The following GTF2A2 variants were observed in gnomAD, a reference collection of about 807,000 sequenced individuals.
GTF2A2 encodes the protein transcription initiation factor IIA subunit 2.
A neutral mutation model predicts 14.3 loss-of-function variants in GTF2A2; 9 were observed. The ratio of observed to expected loss-of-function variants is 0.63; its 90% CI spans 0.38 to 1.10. The LOEUF is 1.10. GTF2A2 is among the 50% of genes least tolerant of loss of function. The pLI, the probability that GTF2A2 is intolerant of heterozygous loss-of-function variation, is 0.01. For synonymous variants in GTF2A2, 56 were observed against 46.0 expected, an observed-to-expected ratio of 1.22 and a Z score of -0.88; for missense variants, 90 against 124.6, an observed-to-expected ratio of 0.72 and a Z score of 1.32.
intron 3 of GTF2A2, among the ~76,000 whole-genome samples, chr15:59,645,630 G>C (rs1382149200): frequency 6.6e-6 from 1 of 152,164 alleles, no homozygotes; most frequent in African/African-American, 2.4e-5. Context: ...TTAAAAATTA[G>C]ATCTCCTCGT....
At chr15:59,641,181 C>CTTTTTTTTTTTTTT (rs374075324) in intron 4 of GTF2A2, among the ~76,000 whole-genome samples, 1 of 141,374 alleles carries the variant, frequency 7.1e-6, no homozygotes, top group African/African-American at 2.7e-5. Flanking sequence ...CAGCAAGACT[C>CTTTTTTTTTTTTTT]TTTTTTTTTT....
chr15:59,656,349 C>T (rs1206934170), intron 1 of GTF2A2, among the ~76,000 whole-genome samples: 4 of 152,118 alleles, frequency 2.6e-5, no homozygotes, highest in African/African-American at 9.7e-5. Context: ...CTAAATGAGG[C>T]TCAAACTGAC....
intron 4 of GTF2A2, 57 bp from the exon 5 acceptor site, chr15:59,639,214 CA>C (rs1417550123): frequency 2.8e-6 from 3 of 1,054,506 alleles, no homozygotes; most frequent in Non-Finnish European, 4.5e-6. Flanking sequence ...TTTAATTTTA[CA>C]ATTAACTATT....
In GTF2A2 at chr15:59,639,072, G is replaced by T; in HGVS notation, c.*60C>A. On this transcript the variant is annotated 3_prime_UTR_variant, in exon 5 of 5. Transcript: ENST00000396060. ...AGAATAAATAAAAAGTCTCTTCTAT[G>T]CTTCTCTTCAAAAGCAATGAATAAC... 1 of 946,894 alleles carries T rather than the reference G, an allele frequency of 1.1e-6. No homozygotes were observed. Among genetic ancestry groups the T allele is most frequent in the Non-Finnish European group, 1.7e-6 (1 of 576,480 alleles). The allele number at this position is 946,894 out of a possible 1,614,324, so 58.7% of individuals were successfully genotyped here. A position where few individuals can be genotyped will look rare whatever the true frequency, so the allele number is the denominator to read the frequency against.
chr15:59,639,608 G>GCCCGCCACCTCGC (rs1358139694), intron 4 of GTF2A2, among the ~76,000 whole-genome samples: 14 of 151,300 alleles, frequency 9.3e-5, no homozygotes, highest in Non-Finnish European at 2.1e-4. Context: ...GACTACAGGT[G>GCCCGCCACCTCGC]CCCGCCACCT....
intron 1 of GTF2A2, among the ~76,000 whole-genome samples, chr15:59,652,642 A>G (rs950172356): frequency 8.5e-5 from 13 of 152,072 alleles, no homozygotes; most frequent in Non-Finnish European, 1.8e-4. Flanking sequence ...TGTCCTTTCT[A>G]CCTGCTGTCA....
intron 4 of GTF2A2, 98 bp downstream of exon 4, chr15:59,642,038 A>G (rs897105744): frequency 2.2e-5 from 23 of 1,065,304 alleles, no homozygotes; most frequent in Non-Finnish European, 3.1e-5. Context: ...TCATAGGGCC[A>G]TTTTACCCGT....
At position 59,638,278 on chromosome 15, in the gene GTF2A2, GGTAACAGCAAAAATCTTT is replaced by G. The variant is rs1232562600; in HGVS notation, c.*836_*853del. The G allele has an allele frequency of 2.6e-5, 4 of 151,984 alleles. No individual in the cohort carries two copies. The highest frequency in any genetic ancestry group is 4.8e-5 in the African/African-American group (2 of 41,362). The allele number at this position is 151,984 out of a possible 1,614,324, so 9.4% of individuals were successfully genotyped here. On this transcript the variant is annotated 3_prime_UTR_variant, in exon 5 of 5. Transcript: ENST00000396060. ...GAGGTAACAACTGCAGGAGCATCGAGGTAACAGCAAAAATCTTTTACTCCAATTGGGTCAATCCAGTTA... is the reference window on the plus strand; with the variant it reads ...GAGGTAACAACTGCAGGAGCATCGAGTACTCCAATTGGGTCAATCCAGTTA...
At chr15:59,642,049 T>C in intron 4 of GTF2A2, 87 bp downstream of exon 4, 1 of 1,214,242 alleles carries the variant, frequency 8.2e-7, no homozygotes, top group Non-Finnish European at 1.1e-6. Context: ...TTTTACCCGT[T>C]AGGCTTTTCA....
chr15:59,649,518 C>T (rs1474249289), intron 3 of GTF2A2, among the ~76,000 whole-genome samples: 2 of 152,140 alleles, frequency 1.3e-5, no homozygotes, highest in Non-Finnish European at 2.9e-5. Flanking sequence ...CATGGATCAT[C>T]TGGGCAGACT....
chr15:59,656,133 T>G (rs1429869509), intron 1 of GTF2A2, among the ~76,000 whole-genome samples: 1 of 152,312 alleles, frequency 6.6e-6, no homozygotes, highest in East Asian at 1.9e-4. Flanking sequence ...CCGGCTACCA[T>G]GATCTCTTTG....
chr15:59,638,951 C>A lies in GTF2A2; in HGVS notation c.*181G>T. 1 of 527,602 alleles carries A rather than the reference C, an allele frequency of 1.9e-6. No individual in the cohort carries two copies. The highest frequency in any genetic ancestry group is 3.5e-6 in the Non-Finnish European group (1 of 289,406). The allele number at this position is 527,602 out of a possible 1,614,324, so 32.7% of individuals were successfully genotyped here. A position where few individuals can be genotyped will look rare whatever the true frequency, so the allele number is the denominator to read the frequency against. Reference sequence around the variant, plus strand: ...TAAAAAAAAGTTATGGTTTTTCATGCTGTATAATAAAGGTGATGTAAGAGG... The same window carrying A: ...TAAAAAAAAGTTATGGTTTTTCATGATGTATAATAAAGGTGATGTAAGAGG... On this transcript the variant is annotated 3_prime_UTR_variant, in exon 5 of 5. Transcript: ENST00000396060.
intron 1 of GTF2A2, among the ~76,000 whole-genome samples, chr15:59,654,701 G>C (rs1391396521): frequency 6.6e-6 from 1 of 152,160 alleles, no homozygotes; most frequent in Non-Finnish European, 1.5e-5. Context: ...AAATGTATCT[G>C]AGTATGACAC....
Position 59,652,272 on chromosome 15 carries a change from T to G in GTF2A2, c.6A>C (p.Ala2=). 6.3e-7 allele frequency: 1 copy of G among 1,588,662 alleles called. No homozygotes were observed. The highest frequency in any genetic ancestry group is 8.6e-7 in the Non-Finnish European group (1 of 1,158,946). ...AAGTAGTATTTCTGTATAACTGATA[T>G]GCCATGGCTTAGGAGGAAGAATTTG... is the stretch of plus-strand genomic sequence containing the variant. M[A]YQLYRNTTLG... Residue 2 remains alanine, a synonymous_variant, in exon 2 of 5, where the codon GCA becomes GCC. Coordinates refer to ENST00000396060, the MANE Select transcript of GTF2A2 (RefSeq NM_004492.3).
rs148928959 is a variant in GTF2A2, at chr15:59,648,729, T to C, written c.177+1940A>G. On this transcript the variant is annotated intron_variant, in intron 3 of 4. Coordinates refer to ENST00000396060, the MANE Select transcript of GTF2A2 (RefSeq NM_004492.3). The stretch of plus-strand genomic sequence containing the variant: ...GTGGGCAGATCACGAGGTCAGGAGA[T>C]AGAGACCATCCTGGCAAATACGGTG... 1.1e-3 allele frequency among the ~76,000 whole-genome samples: 167 copies of C among 152,136 alleles called. 1 individual carries two copies. The highest frequency in any genetic ancestry group is 3.7e-3 in the African/African-American group (153 of 41,498).
chr15:59,652,232 G>A lies in GTF2A2; in HGVS notation c.46C>T (p.Gln16Ter). Residue 16 changes from glutamine to a stop codon, truncating the protein, a stop_gained, in exon 2 of 5, where the codon CAG becomes TAG. Transcript: ENST00000396060. LOFTEE classifies it high-confidence loss of function. ...TGTATGAGCTCATCTAGGCTCTCCT[G>A]AAGACTGTTTCCCAAAGTAGTATTT... ...YRNTTLGNSL[Q>*]ESLDELIQSQ... is the part of the protein sequence containing the mutation. The A allele has an allele frequency of 6.2e-7, 1 of 1,601,264 alleles. No homozygotes were observed. The highest frequency in any genetic ancestry group is 8.6e-7 in the Non-Finnish European group (1 of 1,169,242).
At position 59,642,266 on chromosome 15, in the gene GTF2A2, TAAAAC is replaced by T; in HGVS notation, c.178-9_178-5del. 3 of 1,587,486 alleles carry T rather than the reference TAAAAC, an allele frequency of 1.9e-6. No homozygotes were observed. The highest frequency in any genetic ancestry group is 2.6e-6 in the Non-Finnish European group (3 of 1,169,898). ...ATCTGTACGTATTTAGAGAGCCCTT[TAAAAC>T]AAAACATTTAGAAATACCGTGAAAC... On this transcript the variant is annotated splice_polypyrimidine_tract_variant and splice_region_variant and intron_variant, in intron 3 of 4. Transcript: ENST00000396060.
rs1384921827 is a variant in GTF2A2, at chr15:59,638,682, A to C, written c.*450T>G. 1 of 152,528 alleles carries C rather than the reference A, an allele frequency of 6.6e-6. No homozygotes were observed. The allele number at this position is 152,528 out of a possible 1,614,324, so 9.4% of individuals were successfully genotyped here. ...TAAAAAGCAAGGGATTTTCTTAAAA[A>C]ATTCCATCCAGAGTTTGGTTTTGCC... On this transcript the variant is annotated 3_prime_UTR_variant, in exon 5 of 5. Coordinates refer to ENST00000396060, the MANE Select transcript of GTF2A2 (RefSeq NM_004492.3).
chr15:59,655,979 C>T (rs1891931175), intron 1 of GTF2A2, among the ~76,000 whole-genome samples: 1 of 152,184 alleles, frequency 6.6e-6, no homozygotes, highest in Non-Finnish European at 1.5e-5. Flanking sequence ...CTGCAAAAAT[C>T]TCCTAAATGA....
Sources: allele counts gnomAD v4.1 joint callset (sites outside exome capture counted in the v4.1 genomes callset), GRCh38; gene constraint gnomAD v4.1.1; transcripts MANE v1.5; gene names NCBI Gene and HGNC (gene_info 2026-07-23, HGNC 2026-07-21).